The following PRDM16 variants were observed in gnomAD, a reference collection of about 807,000 sequenced individuals.
The protein encoded by PRDM16 is PR/SET domain 16, also known as histone-lysine N-methyltransferase PRDM16.
In PRDM16, 23 loss-of-function variants were observed where a neutral mutation model predicts 110.6. The observed-to-expected ratio is 0.21, with a 90% CI of 0.15 to 0.29. The LOEUF (loss-of-function observed/expected upper bound fraction) is 0.29, where lower values mean the gene tolerates loss of function less well. PRDM16 is among the 10% of genes least tolerant of loss of function. PRDM16 has a pLI of 1.00. For synonymous variants in PRDM16, 799 were observed against 781.8 expected (o/e 1.02, Z -0.37); for missense variants, 1,615 against 1,794.3 (o/e 0.90, Z 1.81).
At chr1:3,338,799 G>T (rs1410559536) in intron 3 of PRDM16, among the ~76,000 whole-genome samples, 2 of 152,226 alleles carry the variant, frequency 1.3e-5, no homozygotes, top group African/African-American at 4.8e-5. Flanking sequence ...CTCTGGGCAG[G>T]ACACACTGTG....
At chr1:3,273,461 T>A (rs1374927917) in intron 3 of PRDM16, among the ~76,000 whole-genome samples, 1 of 151,660 alleles carries the variant, frequency 6.6e-6, no homozygotes, top group East Asian at 1.9e-4. Flanking sequence ...GGTGGGTGGG[T>A]GTGAGTGAAT....
At chr1:3,075,063 C>T (rs1349413944) in intron 1 of PRDM16, among the ~76,000 whole-genome samples, 1 of 152,242 alleles carries the variant, frequency 6.6e-6, no homozygotes, top group Non-Finnish European at 1.5e-5. Flanking sequence ...TGGGCTTTTG[C>T]CATCAAATCC....
At chr1:3,310,665 C>T (rs960825379) in intron 3 of PRDM16, among the ~76,000 whole-genome samples, 34 of 152,346 alleles carry the variant, frequency 2.2e-4, no homozygotes, top group African/African-American at 7.0e-4. Flanking sequence ...CTGGCCTCCA[C>T]GCTACCTCTC....
chr1:3,249,665 G>A (rs981989306), intron 3 of PRDM16, among the ~76,000 whole-genome samples: 22 of 152,168 alleles, frequency 1.4e-4, no homozygotes, highest in South Asian at 6.2e-4. Context: ...TAGCTGCCCC[G>A]GAGACAGCCC....
rs1474229066 is a variant in PRDM16, at chr1:3,435,675, CTCAGGCTTTGTGTCACGCG to C, written c.*1866_*1884del. ...GGTTTGTGTCACGTGTGGACATCTC[CTCAGGCTTTGTGTCACGCG>C]TGGACATCTCCTCAGGCTGTCCCCA... On this transcript the variant is annotated 3_prime_UTR_variant, in exon 17 of 17. Coordinates refer to ENST00000270722, the MANE Select transcript of PRDM16 (RefSeq NM_022114.4). 3.9e-5 allele frequency: 9 copies of C among 232,506 alleles called. No individual in the cohort carries two copies. The highest frequency in any genetic ancestry group is 6.8e-5 in the Non-Finnish European group (8 of 117,788). 14.4% of individuals were successfully genotyped at this position (232,506 alleles called of 1,614,324 possible). A position where few individuals can be genotyped will look rare whatever the true frequency, so the allele number is the denominator to read the frequency against.
chr1:3,172,723 C>G (rs920679272), intron 1 of PRDM16, among the ~76,000 whole-genome samples: 1 of 152,170 alleles, frequency 6.6e-6, no homozygotes, highest in Non-Finnish European at 1.5e-5. Context: ...ATCCCACTTA[C>G]GGGAGGTCCC....
chr1:3,371,019 C>G (rs1051838233), intron 3 of PRDM16, among the ~76,000 whole-genome samples: 7 of 148,188 alleles, frequency 4.7e-5, no homozygotes, highest in African/African-American at 1.7e-4. Flanking sequence ...CATCCATCCA[C>G]CCACCCATCC....
chr1:3,240,045 G>A (rs952666611), intron 2 of PRDM16, among the ~76,000 whole-genome samples: 3 of 101,092 alleles, frequency 3.0e-5, no homozygotes, highest in African/African-American at 9.6e-5. Context: ...GAGAAGAGGA[G>A]AGGAGAGGAG....
chr1:3,252,531 G>T (rs1488850084), intron 3 of PRDM16, among the ~76,000 whole-genome samples: 1 of 152,180 alleles, frequency 6.6e-6, no homozygotes, highest in Non-Finnish European at 1.5e-5. Context: ...TCCGCAGGAG[G>T]TGGGCCCCTC....
intron 3 of PRDM16, among the ~76,000 whole-genome samples, chr1:3,367,673 T>C (rs1642840511): frequency 6.6e-6 from 1 of 152,224 alleles, no homozygotes; most frequent in Non-Finnish European, 1.5e-5. Context: ...AGACTACGTG[T>C]ATAAATAGAA....
intron 1 of PRDM16, among the ~76,000 whole-genome samples, chr1:3,112,277 A>C (rs1416304557): frequency 6.6e-6 from 1 of 152,230 alleles, no homozygotes; most frequent in Non-Finnish European, 1.5e-5. Flanking sequence ...AGGAAACAGA[A>C]GGGAGCACGG....
intron 8 of PRDM16, among the ~76,000 whole-genome samples, chr1:3,410,403 T>C (rs550469047): frequency 6.6e-5 from 10 of 152,150 alleles, no homozygotes; most frequent in African/African-American, 1.2e-4. Context: ...TCTGAGGAGG[T>C]TCCCAGTAGT....
chr1:3,429,721 C>G (rs1408249260), intron 14 of PRDM16, among the ~76,000 whole-genome samples: 1 of 152,244 alleles, frequency 6.6e-6, no homozygotes. Context: ...GAGGAACTCT[C>G]CTCAAGCCCT....
chr1:3,145,895 G>GC (rs1455080029), intron 1 of PRDM16, among the ~76,000 whole-genome samples: 35 of 152,228 alleles, frequency 2.3e-4, no homozygotes, highest in African/African-American at 8.2e-4. Flanking sequence ...AGCCCGGTCA[G>GC]CCCGGGGTCA....
chr1:3,187,948 A>G (rs971912669), intron 2 of PRDM16, among the ~76,000 whole-genome samples: 3 of 152,066 alleles, frequency 2.0e-5, no homozygotes, highest in African/African-American at 7.2e-5. Context: ...TACCCCCCCA[A>G]CGAGAGGCAG....
intron 3 of PRDM16, among the ~76,000 whole-genome samples, chr1:3,297,533 C>T (rs2100379104): frequency 6.6e-6 from 1 of 152,216 alleles, no homozygotes; most frequent in East Asian, 1.9e-4. Context: ...ATCCACCCAC[C>T]TCAGTCTCCA....
intron 2 of PRDM16, among the ~76,000 whole-genome samples, chr1:3,233,234 C>T (rs1204847575): frequency 6.6e-6 from 1 of 152,242 alleles, no homozygotes; most frequent in East Asian, 1.9e-4. Flanking sequence ...CGGTGCCTAG[C>T]ACCTCCTGTG....
At position 3,411,789 on chromosome 1, in the gene PRDM16, C is replaced by T. The variant is rs1479270217; in HGVS notation, c.1592C>T (p.Pro531Leu). Residue 531 changes from proline (P) to leucine (L), a missense_variant, in exon 9 of 17, where the codon CCC becomes CTC. By Grantham distance (98) the Pro-to-Leu change is moderately conservative. This residue lies in a region of PRDM16 where 772 missense variants were observed against 748.3 expected (regional missense o/e 1.03). Coordinates refer to ENST00000270722, the MANE Select transcript of PRDM16 (RefSeq NM_022114.4). ...TACCCCCGGCCGCCTCTGCTACCTCCCACATCGCTGCTCAAGAGCCCCCTG... is the reference window on the plus strand; with the variant it reads ...TACCCCCGGCCGCCTCTGCTACCTCTCACATCGCTGCTCAAGAGCCCCCTG... ...SLYPRPPLLP[P>L]TSLLKSPLNH... 1 of 1,612,204 alleles carries T rather than the reference C, an allele frequency of 6.2e-7. No homozygotes were observed. Among genetic ancestry groups the T allele is most frequent in the East Asian group, 2.2e-5 (1 of 44,856 alleles).
At chr1:3,285,692 C>T (rs1242785456) in intron 3 of PRDM16, among the ~76,000 whole-genome samples, 8 of 152,218 alleles carry the variant, frequency 5.3e-5, no homozygotes, top group Admixed American at 5.2e-4. Context: ...AGGTCAGTTT[C>T]CTCCCCCTGG....
Sources: gnomAD v4.1 joint callset for allele counts (sites outside exome capture counted in the v4.1 genomes callset) on GRCh38, gnomAD v4.1.1 for gene constraint, gnomAD v4.1.1 regional missense constraint, MANE v1.5 for transcripts, NCBI Gene and HGNC (gene_info 2026-07-23, HGNC 2026-07-21) for gene names.